TMEM67: variants seen among roughly 807,000 people sequenced by gnomAD.
The protein encoded by TMEM67 is meckelin.
TMEM67 carries 124 observed loss-of-function variants against 136.6 expected under a neutral mutation model. The ratio of observed to expected loss-of-function variants is 0.91; its 90% CI spans 0.78 to 1.05. TMEM67 has a LOEUF of 1.05. TMEM67 is among the 50% of genes least tolerant of loss of function. TMEM67 has a pLI of 0.00. For missense variants in TMEM67, 1,107 were observed against 1,178.4 expected (o/e 0.94, Z 0.89); for synonymous variants, 364 against 390.5 (o/e 0.93, Z 0.80).
At chr8:93,813,984 C>G (rs1430873082) in intron 26 of TMEM67, among the ~76,000 whole-genome samples, 1 of 152,166 alleles carries the variant, frequency 6.6e-6, no homozygotes, top group Admixed American at 6.5e-5. Context: ...ACCCCTGTAA[C>G]TAGTACCCTT....
intron 7 of TMEM67, among the ~76,000 whole-genome samples, chr8:93,777,345 A>G (rs934298180): frequency 4.6e-5 from 7 of 151,854 alleles, no homozygotes; most frequent in African/African-American, 7.3e-5. Flanking sequence ...TTGTGTCTCT[A>G]TCTCTTTCAG....
Position 93,755,785 on chromosome 8 carries a change from A to G in TMEM67, c.231A>G (p.Ser77=), listed in dbSNP as rs769535902. Reference sequence around the variant, plus strand: ...TTTTTTTTTTTTTTTTAGGAACTTCATGTGTATGTCTACCAGGATTTCAGA... The same window carrying G: ...TTTTTTTTTTTTTTTTAGGAACTTCGTGTGTATGTCTACCAGGATTTCAGA... The part of the protein sequence containing the change: ...ANQRQDARGT[S]CVCLPGFQMI... The change falls in exon 2 of 28, where the codon TCA becomes TCG. Residue 77 remains serine, a synonymous_variant. Transcript: ENST00000453321. 7.9e-6 allele frequency: 8 copies of G among 1,014,806 alleles called. 1 individual carries two copies. Among genetic ancestry groups the G allele is most frequent in the South Asian group, 3.1e-5 (2 of 64,844 alleles). The allele number at this position is 1,014,806 out of a possible 1,614,324, so 62.9% of individuals were successfully genotyped here. A position where few individuals can be genotyped will look rare whatever the true frequency, so the allele number is the denominator to read the frequency against.
chr8:93,775,962 A>G (rs1336832968), intron 7 of TMEM67, among the ~76,000 whole-genome samples: 1 of 152,150 alleles, frequency 6.6e-6, no homozygotes, highest in Admixed American at 6.5e-5. Flanking sequence ...CATTTTCACG[A>G]TATTGATTCT....
chr8:93,797,027 T>C (rs1204552959), intron 18 of TMEM67, 107 bp from the exon 19 acceptor site: 1 of 731,412 alleles, frequency 1.4e-6, no homozygotes, highest in Non-Finnish European at 2.4e-6. Flanking sequence ...CTCATAAAAT[T>C]ATATGTTCTT....
In TMEM67 at chr8:93,814,239, A is replaced by G. The variant is rs541745691; in HGVS notation, c.2765-1066A>G. 3.6e-4 allele frequency among the ~76,000 whole-genome samples: 49 copies of G among 134,856 alleles called. No homozygotes were observed. The East Asian group carries it at 8.9e-3, about 24-fold the overall frequency. The allele number at this position is 134,856 out of a possible 152,430, so 88.5% of individuals were successfully genotyped here. ...ACTGCAAGCTCCGCCTCCCAGGTTC[A>G]TGCTATTCTCCTGCCTCAGCCTCCT... On this transcript the variant is annotated intron_variant, in intron 26 of 27. Transcript: ENST00000453321.
At chr8:93,823,916 A>G (rs1025540372), downstream of TMEM67, among the ~76,000 whole-genome samples, 15 of 151,408 alleles carry the variant, frequency 9.9e-5, no homozygotes, top group Non-Finnish European at 1.9e-4. Flanking sequence ...TCTCAAAGCC[A>G]TCATTACACA....
In TMEM67 at chr8:93,814,201, A is replaced by G. The variant is rs955763730; in HGVS notation, c.2765-1104A>G. ...GTTGCCCAGGCTGGAGTGCAGTGGC[A>G]CGATCTCGGCTCACTGCAAGCTCCG... is the stretch of plus-strand genomic sequence containing the variant. On this transcript the variant is annotated intron_variant, in intron 26 of 27. Transcript: ENST00000453321. Among the ~76,000 whole-genome samples the G allele has an allele frequency of 2.2e-4, 27 of 124,804 alleles. No homozygotes were observed. In the South Asian group the frequency reaches 2.3e-3, roughly 11 times the overall value. 81.9% of individuals were successfully genotyped at this position (124,804 alleles called of 152,430 possible). A position where few individuals can be genotyped will look rare whatever the true frequency, so the allele number is the denominator to read the frequency against.
chr8:93,762,970 T>C (rs141090921), intron 3 of TMEM67: 1 of 433,434 alleles, frequency 2.3e-6, no homozygotes, highest in East Asian at 7.9e-5. Flanking sequence ...TTGCCCAGGC[T>C]GGAGTGTAGT....
At chr8:93,820,620 T>C (rs374992513), downstream of TMEM67, among the ~76,000 whole-genome samples, 1 of 152,176 alleles carries the variant, frequency 6.6e-6, no homozygotes, top group Non-Finnish European at 1.5e-5. Context: ...AATTGTCTCA[T>C]CTGTAAAAGA....
At chr8:93,762,803 A>T (rs886949521) in intron 3 of TMEM67, 1 of 273,000 alleles carries the variant, frequency 3.7e-6, no homozygotes, top group East Asian at 1.2e-4. Flanking sequence ...GATCTACACT[A>T]TATAGCCACA....
chr8:93,759,774 G>A (rs574080915), intron 3 of TMEM67: 8 of 314,976 alleles, frequency 2.5e-5, no homozygotes, highest in Admixed American at 4.7e-5. Flanking sequence ...TCAGCCTCCC[G>A]AGTAGTTGGG....
At chr8:93,789,335 T>C (rs1204186785) in intron 14 of TMEM67, among the ~76,000 whole-genome samples, 1 of 152,214 alleles carries the variant, frequency 6.6e-6, no homozygotes, top group Non-Finnish European at 1.5e-5. Context: ...TGAGCTTGTA[T>C]ACACTGTAAT....
chr8:93,817,578 T>C lies in TMEM67; in HGVS notation c.*1126T>C, dbSNP rs528047531. 6.6e-6 allele frequency: 1 copy of C among 152,330 alleles called. No individual in the cohort carries two copies. Among genetic ancestry groups the C allele is most frequent in the Admixed American group, 6.5e-5 (1 of 15,304 alleles). 9.4% of individuals were successfully genotyped at this position (152,330 alleles called of 1,614,324 possible). On this transcript the variant is annotated 3_prime_UTR_variant, in exon 28 of 28. Coordinates refer to ENST00000453321, the MANE Select transcript of TMEM67 (RefSeq NM_153704.6). ...GTATCATGTTTCTCACTGCTTTCTA[T>C]GTTAATGCTGTGTAAATACTTAAAA...
At chr8:93,792,925 A>C (rs961605592) in intron 15 of TMEM67, among the ~76,000 whole-genome samples, 9 of 151,572 alleles carry the variant, frequency 5.9e-5, no homozygotes, top group Non-Finnish European at 8.8e-5. Context: ...GGCACCCACC[A>C]CCATGCCCAG....
At chr8:93,812,143 C>CT (rs1391504601) in intron 26 of TMEM67, among the ~76,000 whole-genome samples, 1 of 145,536 alleles carries the variant, frequency 6.9e-6, no homozygotes, top group Non-Finnish European at 1.5e-5. Context: ...GAGCAAAACT[C>CT]TGTCTCAAAA....
intron 11 of TMEM67, 120 bp downstream of exon 11, chr8:93,782,580 TTTTTTTTTTTGAGATGGAG>T (rs1370490876): frequency 2.6e-6 from 2 of 775,492 alleles, no homozygotes; most frequent in Non-Finnish European, 2.0e-6. Context: ...GGTTTTTTTT[TTTTTTTTTTTGAGATGGAG>T]TTTTGCTCTT....
intron 23 of TMEM67, among the ~76,000 whole-genome samples, chr8:93,805,770 A>G (rs1366342070): frequency 2.0e-5 from 3 of 152,184 alleles, no homozygotes; most frequent in Non-Finnish European, 2.9e-5. Context: ...AAAAATTACC[A>G]TTTTGCAATG....
intron 3 of TMEM67, chr8:93,760,046 T>C: frequency 7.5e-7 from 1 of 1,335,180 alleles, no homozygotes; most frequent in Non-Finnish European, 9.9e-7. Flanking sequence ...AATGCATTCT[T>C]TATTTTTGGA....
chr8:93,760,055 G>C, intron 3 of TMEM67: 1 of 1,247,404 alleles, frequency 8.0e-7, no homozygotes, highest in South Asian at 1.8e-5. Flanking sequence ...TTTATTTTTG[G>C]ATGGGAAGAT....
Sources: gnomAD v4.1 joint callset for allele counts (sites outside exome capture counted in the v4.1 genomes callset) on GRCh38, gnomAD v4.1.1 for gene constraint, MANE v1.5 for transcripts, NCBI Gene and HGNC (gene_info 2026-07-23, HGNC 2026-07-21) for gene names.